KCNA3: variants seen among roughly 807,000 people sequenced by gnomAD.
The protein encoded by KCNA3 is RP11-284N8.3.
A neutral mutation model predicts 34.3 loss-of-function variants in KCNA3; 18 were observed. The observed-to-expected ratio is 0.52, with a 90% CI of 0.36 to 0.78. The LOEUF is 0.78. KCNA3 is among the 30% of genes least tolerant of loss of function. KCNA3 has a pLI of 0.00. For missense variants in KCNA3, 587 were observed against 802.5 expected, an observed-to-expected ratio of 0.73 and a Z score of 3.24; for synonymous variants, 324 against 351.7, an observed-to-expected ratio of 0.92 and a Z score of 0.88.
At position 110,673,325 on chromosome 1, in the gene KCNA3, C is replaced by T. The variant is rs747514305; in HGVS notation, c.1485G>A (p.Glu495=). The T allele has an allele frequency of 2.5e-6, 4 of 1,614,016 alleles. No individual in the cohort carries two copies. The highest frequency in any genetic ancestry group is 2.2e-5 in the South Asian group (2 of 91,050). The change falls in exon 1 of 1, where the codon GAG becomes GAA. Residue 495 remains glutamate, a synonymous_variant. Coordinates refer to ENST00000369769, the MANE Select transcript of KCNA3 (RefSeq NM_002232.5). The surrounding 1 kb of genome is among the most constrained non-coding windows in gnomAD (Gnocchi z 8.8). The part of the protein sequence containing the change: ...YFYHRETEGE[E]QSQYMHVGSC... ...TTCCCACGTGCATGTACTGGGATTG[C>T]TCTTCCCCTTCTGTCTCCCGGTGGT...
chr1:110,674,730 G>A lies in KCNA3; in HGVS notation c.80C>T (p.Ala27Val), dbSNP rs769720543. The change falls in exon 1 of 1, where the codon GCG (alanine) becomes GTG (valine). Residue 27 changes from alanine to valine, a missense_variant. By Grantham distance (64) the Ala-to-Val change is moderately conservative (BLOSUM62 0). This residue lies in a region of KCNA3 where 341 missense variants were observed against 355.4 expected (regional missense o/e 0.96). Coordinates refer to ENST00000369769, the MANE Select transcript of KCNA3 (RefSeq NM_002232.5). The surrounding 1 kb of genome is among the most constrained non-coding windows in gnomAD (Gnocchi z 6.4). Reference protein sequence around the residue: ...RHRAHPPQRPASSGGAHTLVN... With the variant: ...RHRAHPPQRPVSSGGAHTLVN... Reference sequence around the variant, plus strand: ...CAGCGTGTGGGCACCGCCGCTGCTCGCTGGGCGCTGAGGAGGGTGGGCGCG... The same window carrying A: ...CAGCGTGTGGGCACCGCCGCTGCTCACTGGGCGCTGAGGAGGGTGGGCGCG... The A allele has an allele frequency of 2.1e-6, 3 of 1,439,324 alleles. No individual in the cohort carries two copies. The highest frequency in any genetic ancestry group is 1.5e-5 in the South Asian group (1 of 67,396). 89.2% of individuals were successfully genotyped at this position (1,439,324 alleles called of 1,614,324 possible). A position where few individuals can be genotyped will look rare whatever the true frequency, so the allele number is the denominator to read the frequency against.
chr1:110,672,976 C>G lies in KCNA3; in HGVS notation c.*106G>C, dbSNP rs1651941643. On this transcript the variant is annotated 3_prime_UTR_variant, in exon 1 of 1. Transcript: ENST00000369769. ...AAGTGTGCTTTCCACTTCTTCAGGT[C>G]CTTTCCTTGATGAATGGTCTGGAAA... 2.6e-6 allele frequency: 3 copies of G among 1,132,416 alleles called. No homozygotes were observed. In the Admixed American group the frequency reaches 6.8e-5, roughly 26 times the overall value. 70.1% of individuals were successfully genotyped at this position (1,132,416 alleles called of 1,614,324 possible). A position where few individuals can be genotyped will look rare whatever the true frequency, so the allele number is the denominator to read the frequency against.
At position 110,673,333 on chromosome 1, in the gene KCNA3, C is replaced by T; in HGVS notation, c.1477G>A (p.Gly493Arg). 1 of 1,614,112 alleles carries T rather than the reference C, an allele frequency of 6.2e-7. No individual in the cohort carries two copies. Among genetic ancestry groups the T allele is most frequent in the Non-Finnish European group, 8.5e-7 (1 of 1,180,034 alleles). ...FNYFYHRETE[G>R]EEQSQYMHVG... ...TGCATGTACTGGGATTGCTCTTCCC[C>T]TTCTGTCTCCCGGTGGTAGAAGTAA... The change falls in exon 1 of 1, where the codon GGG (glycine) becomes AGG (arginine). Residue 493 changes from glycine to arginine, a missense_variant. Gly to Arg is a moderately radical substitution (Grantham distance 125). Around this residue, in one of 7 missense-constraint regions of KCNA3, gnomAD observed 95 missense variants for 107.3 expected, o/e 0.89. Transcript: ENST00000369769. The surrounding 1 kb of genome is among the most constrained non-coding windows in gnomAD (Gnocchi z 8.8).
chr1:110,667,862 G>T (rs1201175024), downstream of KCNA3, among the ~76,000 whole-genome samples: 3 of 152,110 alleles, frequency 2.0e-5, no homozygotes, highest in Non-Finnish European at 4.4e-5. Flanking sequence ...CTTGCAAACT[G>T]AATATGAGTA....
Position 110,674,011 on chromosome 1 carries a change from C to A in KCNA3, c.799G>T (p.Ala267Ser), listed in dbSNP as rs1160951162. The change falls in exon 1 of 1, where the codon GCC becomes TCC. Residue 267 changes from alanine (A) to serine (S), a missense_variant. Transcript: ENST00000369769. The surrounding 1 kb of genome is among the most constrained non-coding windows in gnomAD (Gnocchi z 6.4). ...TCGAATGAGTCCTGCGACGTCGAGG[C>A]GGGGTAGTCCTTCTCGTCGCGGAAC... ...PEFRDEKDYP[A>S]STSQDSFEAA... The A allele has an allele frequency of 1.2e-6, 2 of 1,611,154 alleles. No homozygotes were observed. The highest frequency in any genetic ancestry group is 1.7e-6 in the Non-Finnish European group (2 of 1,178,154).
chr1:110,662,803 A>C, the KCNA3 span, among the ~76,000 whole-genome samples: 2 of 152,210 alleles, frequency 1.3e-5, no homozygotes, highest in Non-Finnish European at 2.9e-5. Flanking sequence ...AGGTCTACTA[A>C]TAATAAATAT....
chr1:110,666,390 C>A, the KCNA3 span, among the ~76,000 whole-genome samples: 2 of 152,000 alleles, frequency 1.3e-5, no homozygotes, highest in Non-Finnish European at 2.9e-5. Flanking sequence ...CAAAGATCCC[C>A]ATTAGCTTAA....
Position 110,674,462 on chromosome 1 carries a change from C to A in KCNA3, c.348G>T (p.Glu116Asp). Residue 116 changes from glutamate (E) to aspartate (D), a missense_variant, in exon 1 of 1, where the codon GAG (glutamate) becomes GAT (aspartate). Glu to Asp is a conservative substitution (Grantham distance 45). Coordinates refer to ENST00000369769, the MANE Select transcript of KCNA3 (RefSeq NM_002232.5). This position sits in a 1 kb window ranked among gnomAD's most constrained non-coding sequence, Gnocchi z 6.4. ...VVINISGLRF[E>D]TQLKTLCQFP... ...ACTGGCAAAGGGTCTTCAGCTGCGT[C>A]TCGAAGCGCAGCCCGGAGATGTTGA... 1 of 1,614,046 alleles carries A rather than the reference C, an allele frequency of 6.2e-7. No homozygotes were observed. Among genetic ancestry groups the A allele is most frequent in the Non-Finnish European group, 8.5e-7 (1 of 1,179,976 alleles).
the KCNA3 span, among the ~76,000 whole-genome samples, chr1:110,665,295 T>C: frequency 6.6e-6 from 1 of 152,208 alleles, no homozygotes; most frequent in African/African-American, 2.4e-5. Context: ...AACGATGGTT[T>C]AGATCAAGTG....
the KCNA3 span, among the ~76,000 whole-genome samples, chr1:110,659,808 C>A: frequency 6.6e-6 from 1 of 151,728 alleles, no homozygotes; most frequent in Non-Finnish European, 1.5e-5. Flanking sequence ...AGCTGGAAAC[C>A]ATCATTCTCG....
the KCNA3 span, among the ~76,000 whole-genome samples, chr1:110,658,389 G>T: frequency 6.6e-6 from 1 of 152,112 alleles, no homozygotes; most frequent in Admixed American, 6.5e-5. Flanking sequence ...TTATGCATTT[G>T]TTCAGGTATA....
rs576455703 is a variant in KCNA3 at position 110,674,709 on chromosome 1, G to T, written c.101C>A (p.Thr34Lys). The change falls in exon 1 of 1, where the codon ACG (threonine) becomes AAG (lysine). Residue 34 changes from threonine to lysine, a missense_variant. Physicochemically the swap from Thr to Lys is moderately conservative, Grantham distance 78. This residue lies in a region of KCNA3 where 341 missense variants were observed against 355.4 expected (regional missense o/e 0.96). Coordinates refer to ENST00000369769, the MANE Select transcript of KCNA3 (RefSeq NM_002232.5). The surrounding 1 kb of genome is among the most constrained non-coding windows in gnomAD (Gnocchi z 6.4). Reference protein sequence around the residue: ...QRPASSGGAHTLVNHGYAEPA... With the variant: ...QRPASSGGAHKLVNHGYAEPA... Reference sequence around the variant, plus strand: ...CTCCGCGTAGCCGTGGTTCACCAGCGTGTGGGCACCGCCGCTGCTCGCTGG... The same window carrying T: ...CTCCGCGTAGCCGTGGTTCACCAGCTTGTGGGCACCGCCGCTGCTCGCTGG... The T allele has an allele frequency of 9.2e-5, 136 of 1,480,790 alleles. 1 individual carries two copies. The South Asian group carries it at 1.7e-3, about 18-fold the overall frequency. 91.7% of individuals were successfully genotyped at this position (1,480,790 alleles called of 1,614,324 possible).
At chr1:110,656,746 G>A in the KCNA3 span, 5 of 152,072 alleles carry the variant, frequency 3.3e-5, no homozygotes, top group Non-Finnish European at 7.4e-5. Context: ...TGTTGAGTGT[G>A]CAATAAGGCT....
At chr1:110,662,217 G>A in the KCNA3 span, among the ~76,000 whole-genome samples, 4 of 151,458 alleles carry the variant, frequency 2.6e-5, no homozygotes, top group Non-Finnish European at 5.9e-5. Context: ...TATAAAATGA[G>A]AGAAAGGAAG....
chr1:110,671,470 GC>G (rs1557758148), downstream of KCNA3, among the ~76,000 whole-genome samples: 1 of 152,232 alleles, frequency 6.6e-6, no homozygotes, highest in Non-Finnish European at 1.5e-5. Context: ...ATCACAGAGT[GC>G]TCACCTGATT....
chr1:110,671,213 T>C (rs1651877628), downstream of KCNA3, among the ~76,000 whole-genome samples: 1 of 152,208 alleles, frequency 6.6e-6, no homozygotes. Context: ...AACGGAATAA[T>C]TTTCAGTTTG....
At position 110,673,508 on chromosome 1, in the gene KCNA3, G is replaced by A. The variant is rs764433329; in HGVS notation, c.1302C>T (p.Ala434=). 1 of 1,614,164 alleles carries A rather than the reference G, an allele frequency of 6.2e-7. No individual in the cohort carries two copies. The highest frequency in any genetic ancestry group is 1.7e-5 in the Admixed American group (1 of 60,022). Residue 434 remains alanine (A), a synonymous_variant, in exon 1 of 1, where the codon GCC becomes GCT. Transcript: ENST00000369769. The surrounding 1 kb of genome is among the most constrained non-coding windows in gnomAD (Gnocchi z 8.8). ...TCATGGTTACCACTGCCCACCAGAAGGCATCCGGGATGCTGCTGAAACCTG... is the reference window on the plus strand; with the variant it reads ...TCATGGTTACCACTGCCCACCAGAAAGCATCCGGGATGCTGCTGAAACCTG... The part of the protein sequence containing the change: ...PTSGFSSIPD[A]FWWAVVTMTT...
chr1:110,656,407 A>T, the KCNA3 span: 1 of 152,230 alleles, frequency 6.6e-6, no homozygotes, highest in African/African-American at 2.4e-5. Context: ...TCACTCAAGT[A>T]GAAATATGTG....
chr1:110,671,299 CAGTT>C (rs1468629592), downstream of KCNA3, among the ~76,000 whole-genome samples: 1 of 152,148 alleles, frequency 6.6e-6, no homozygotes, highest in African/African-American at 2.4e-5. Flanking sequence ...AACTAAACGA[CAGTT>C]AGCAACATGG....
Sources: allele counts gnomAD v4.1 joint callset (sites outside exome capture counted in the v4.1 genomes callset), GRCh38; gene constraint gnomAD v4.1.1; regional missense constraint gnomAD v4.1.1; non-coding constraint Gnocchi (gnomAD v3.1); transcripts MANE v1.5; gene names NCBI Gene and HGNC (gene_info 2026-07-23, HGNC 2026-07-21).